Variants in CFAP298 observed in about 807,000 individuals in gnomAD.
CFAP298 encodes cilia- and flagella-associated protein 298.
CFAP298 carries 38 observed loss-of-function variants against 41.0 expected under a neutral mutation model. The observed-to-expected ratio is 0.93, with a 90% CI of 0.72 to 1.22. The LOEUF is 1.22. CFAP298 is among the 50% of genes most tolerant of loss of function. The pLI is 0.00. For missense variants in CFAP298, 348 were observed against 360.3 expected, an observed-to-expected ratio of 0.97 and a Z score of 0.28; for synonymous variants, 137 against 135.3, an observed-to-expected ratio of 1.01 and a Z score of -0.09.
intron 1 of CFAP298, among the ~76,000 whole-genome samples, chr21:32,610,490 C>T (rs144318202): frequency 4.7e-4 from 71 of 152,300 alleles, no homozygotes; most frequent in East Asian, 4.4e-3. Flanking sequence ...CCCGTGTGAG[C>T]CACCACGCCC....
At chr21:32,611,284 A>G (rs1457746153) in intron 1 of CFAP298, among the ~76,000 whole-genome samples, 1 of 144,970 alleles carries the variant, frequency 6.9e-6, no homozygotes, top group East Asian at 2.0e-4. Flanking sequence ...AGCCTGGGCA[A>G]CAGTAAGACC....
intron 3 of CFAP298, 110 bp from the exon 4 acceptor site, chr21:32,604,393 A>C: frequency 8.0e-7 from 1 of 1,247,678 alleles, no homozygotes; most frequent in Non-Finnish European, 1.1e-6. Context: ...ACAAAAAGAA[A>C]TCAAACAGTT....
intron 6 of CFAP298, 125 bp downstream of exon 6, chr21:32,602,147 A>C: frequency 1.0e-6 from 1 of 983,784 alleles, no homozygotes; most frequent in Non-Finnish European, 1.6e-6. Flanking sequence ...ACCTGCAGAC[A>C]GAAGCTCTAG....
chr21:32,602,821 C>T, intron 5 of CFAP298: 2 of 1,395,608 alleles, frequency 1.4e-6, no homozygotes, highest in Non-Finnish European at 1.9e-6. Flanking sequence ...CTGTACACAG[C>T]ATCAGCAGTT....
chr21:32,610,452 G>A (rs181402940), intron 1 of CFAP298, among the ~76,000 whole-genome samples: 4 of 152,254 alleles, frequency 2.6e-5, no homozygotes, highest in Admixed American at 2.0e-4. Context: ...TGATCCGCCC[G>A]CCTCAGCCTC....
At chr21:32,612,008 C>T (rs2039010932) in intron 1 of CFAP298, 97 bp downstream of exon 1, 1 of 1,340,200 alleles carries the variant, frequency 7.5e-7, no homozygotes, top group Non-Finnish European at 9.7e-7. Flanking sequence ...CTTCAATAAT[C>T]TTCACAAACC....
chr21:32,604,512 G>A, intron 3 of CFAP298: 1 of 523,544 alleles, frequency 1.9e-6, no homozygotes, highest in South Asian at 2.3e-5. Context: ...ACAATGAAGT[G>A]CAAAGAATTC....
rs1221402448 is a variant in CFAP298 at position 32,612,149 on chromosome 21, G to A, written c.95C>T (p.Ala32Val). Residue 32 changes from alanine (A) to valine (V), a missense_variant, in exon 1 of 7, where the codon GCC becomes GTC. By Grantham distance (64) the Ala-to-Val change is moderately conservative. Transcript: ENST00000290155. ...TELEELTVQV[A>V]RVYNGRLKVQ... The stretch of plus-strand genomic sequence containing the variant: ...CTTGAGCCGCCCATTATAGACCCGG[G>A]CCACCTGCACCGTGAGCTCCTCCAG... The A allele has an allele frequency of 3.2e-6, 5 of 1,578,634 alleles. No homozygotes were observed. Among genetic ancestry groups the A allele is most frequent in the Admixed American group, 1.8e-5 (1 of 54,708 alleles).
chr21:32,606,002 C>T (rs890344458), intron 3 of CFAP298, among the ~76,000 whole-genome samples: 3 of 152,136 alleles, frequency 2.0e-5, no homozygotes, highest in Admixed American at 1.3e-4. Flanking sequence ...TGGGAGCAGA[C>T]GGTACAGAAC....
intron 5 of CFAP298, chr21:32,602,932 T>C: frequency 9.0e-7 from 1 of 1,107,518 alleles, no homozygotes; most frequent in Non-Finnish European, 1.3e-6. Context: ...ACATAGTATA[T>C]TTCCTCTCCC....
intron 2 of CFAP298, among the ~76,000 whole-genome samples, chr21:32,608,494 GA>G (rs1052512832): frequency 6.6e-6 from 1 of 151,502 alleles, no homozygotes; most frequent in East Asian, 1.9e-4. Context: ...CTGTCTCTAT[GA>G]AAAATACAAA....
intron 6 of CFAP298, 51 bp downstream of exon 6, chr21:32,602,221 A>G: frequency 6.4e-7 from 1 of 1,561,962 alleles, no homozygotes; most frequent in Non-Finnish European, 8.8e-7. Flanking sequence ...TAAGGCACAC[A>G]GGCTATGTGT....
At chr21:32,611,643 G>A (rs1472232877) in intron 1 of CFAP298, among the ~76,000 whole-genome samples, 1 of 151,984 alleles carries the variant, frequency 6.6e-6, no homozygotes, top group East Asian at 1.9e-4. Context: ...CCAGGGCGGG[G>A]AAAGATCACC....
In CFAP298 at chr21:32,604,389, A is replaced by G. The variant is rs2038821627; in HGVS notation, c.376-106T>C. On this transcript the variant is annotated intron_variant, in intron 3 of 6. Coordinates refer to ENST00000290155, the MANE Select transcript of CFAP298 (RefSeq NM_021254.4). ...GCCAGATACTGCCAGAGCAACAAAA[A>G]GAAATCAAACAGTTCTTGCTCCCAG... 2.3e-6 allele frequency: 3 copies of G among 1,314,106 alleles called. No homozygotes were observed. In the Admixed American group the frequency reaches 5.5e-5, roughly 24 times the overall value. 81.4% of individuals were successfully genotyped at this position (1,314,106 alleles called of 1,614,324 possible).
rs1165407470 is a variant in CFAP298, at chr21:32,600,457, G to T, written c.*1406C>A. Among the ~76,000 whole-genome samples, 1 of 152,218 alleles carries T rather than the reference G, an allele frequency of 6.6e-6. No individual in the cohort carries two copies. Among genetic ancestry groups the T allele is most frequent in the African/African-American group, 2.4e-5 (1 of 41,452 alleles). ...GATGGTGGGGAGCGCAGGCACCAAG[G>T]CAGGAAGGCCAGGGCAGGAAGATGC... On this transcript the variant is annotated 3_prime_UTR_variant, in exon 7 of 7. Coordinates refer to ENST00000290155, the MANE Select transcript of CFAP298 (RefSeq NM_021254.4).
At chr21:32,602,448 G>A (rs184197655) in intron 5 of CFAP298, 81 bp from the exon 6 acceptor site, 11 of 1,530,700 alleles carry the variant, frequency 7.2e-6, no homozygotes, top group African/African-American at 4.1e-5. Context: ...AATGTTTTAC[G>A]ATTGCCTTTG....
intron 2 of CFAP298, among the ~76,000 whole-genome samples, chr21:32,607,952 G>C (rs1304799800): frequency 1.3e-5 from 2 of 152,178 alleles, no homozygotes; most frequent in East Asian, 3.8e-4. Context: ...ACAAAAAACA[G>C]AAATGCATGT....
chr21:32,599,444 C>A lies in CFAP298; in HGVS notation c.*2419G>T, dbSNP rs1419178934. ...CAAGTTATGTCAAAGGACAAAACCACAGACCTAGATGGGCACCGTGCATAC... is the reference window on the plus strand; with the variant it reads ...CAAGTTATGTCAAAGGACAAAACCAAAGACCTAGATGGGCACCGTGCATAC... On this transcript the variant is annotated 3_prime_UTR_variant, in exon 7 of 7. Transcript: ENST00000290155. Among the ~76,000 whole-genome samples the A allele has an allele frequency of 6.6e-6, 1 of 152,138 alleles. No homozygotes were observed. The highest frequency in any genetic ancestry group is 1.5e-5 in the Non-Finnish European group (1 of 68,022).
At chr21:32,606,573 G>A (rs1287499471) in intron 3 of CFAP298, among the ~76,000 whole-genome samples, 1 of 152,240 alleles carries the variant, frequency 6.6e-6, no homozygotes, top group Non-Finnish European at 1.5e-5. Flanking sequence ...GGCCTCTCCT[G>A]TAGAGCTTCA....
Sources: gnomAD v4.1 joint callset for allele counts (sites outside exome capture counted in the v4.1 genomes callset) on GRCh38, gnomAD v4.1.1 for gene constraint, MANE v1.5 for transcripts, NCBI Gene and HGNC (gene_info 2026-07-23, HGNC 2026-07-21) for gene names.